Variants in WDR49 observed in about 807,000 individuals in gnomAD.
WDR49 encodes cilia- and flagella-associated protein 337.
In WDR49, 107 loss-of-function variants were observed where a neutral mutation model predicts 119.5. The observed-to-expected ratio is 0.90, with a 90% CI of 0.77 to 1.05. WDR49 has a LOEUF of 1.05. Among genes scored for constraint, WDR49 ranks in the 50% least tolerant of loss-of-function variants. The probability of loss-of-function intolerance (pLI) is 0.00; values close to 1 mark genes in which losing one functional copy is unlikely to be tolerated. For missense variants in WDR49, 1,240 were observed against 1,220.5 expected (o/e 1.02, Z -0.24); for synonymous variants, 425 against 418.8 (o/e 1.01, Z -0.18).
intron 9 of WDR49, among the ~76,000 whole-genome samples, chr3:167,558,582 T>C (rs1402549220): frequency 2.6e-5 from 4 of 152,222 alleles, no homozygotes; most frequent in Non-Finnish European, 5.9e-5. Flanking sequence ...AACGCTTCAG[T>C]TGAGACTTGA....
At chr3:167,576,717 G>C (rs1714270078) in intron 7 of WDR49, among the ~76,000 whole-genome samples, 1 of 152,110 alleles carries the variant, frequency 6.6e-6, no homozygotes, top group African/African-American at 2.4e-5. Context: ...TTCTCCCCCA[G>C]AGCCACCAGA....
In WDR49 at chr3:167,578,307, GCA is replaced by G. The variant is rs1421047059; in HGVS notation, c.1276-2158_1276-2157del. The stretch of plus-strand genomic sequence containing the variant: ...TGCGTCCATTGTATAAAGTCAAATA[GCA>G]CCAGAGGGCTTTTATCTCAAGCCAT... On this transcript the variant is annotated intron_variant, in intron 7 of 18. Transcript: ENST00000682715. 3.3e-5 allele frequency among the ~76,000 whole-genome samples: 5 copies of G among 152,196 alleles called. No homozygotes were observed. In the East Asian group the frequency reaches 9.7e-4, roughly 29 times the overall value.
upstream of WDR49, among the ~76,000 whole-genome samples, chr3:167,655,195 A>T (rs1312633413): frequency 6.6e-6 from 1 of 152,142 alleles, no homozygotes; most frequent in African/African-American, 2.4e-5. Flanking sequence ...CATTTATAAA[A>T]CCATCAGATC....
intron 10 of WDR49, among the ~76,000 whole-genome samples, chr3:167,541,062 G>A (rs558311412): frequency 6.6e-6 from 1 of 151,922 alleles, no homozygotes; most frequent in Admixed American, 6.6e-5. Context: ...ATATTAAATG[G>A]CCAAACCTAA....
intron 15 of WDR49, among the ~76,000 whole-genome samples, chr3:167,524,583 T>G (rs1482944112): frequency 6.6e-6 from 1 of 152,214 alleles, no homozygotes; most frequent in Admixed American, 6.5e-5. Flanking sequence ...AATTTTTGTA[T>G]AAGGTATAAG....
At position 167,500,008 on chromosome 3, in the gene WDR49, A is replaced by G. The variant is rs1014308829; in HGVS notation, c.3031+145T>C. On this transcript the variant is annotated intron_variant, in intron 18 of 18. Coordinates refer to ENST00000682715, the MANE Select transcript of WDR49 (RefSeq NM_001366157.1). ...GAGAGCACACTTCAGCAGCTGAACTATAAATCTTAACAGTCAAACCACACT... is the reference window on the plus strand; with the variant it reads ...GAGAGCACACTTCAGCAGCTGAACTGTAAATCTTAACAGTCAAACCACACT... 16 of 879,054 alleles carry G rather than the reference A, an allele frequency of 1.8e-5. No homozygotes were observed. The African/African-American group carries it at 2.5e-4, about 14-fold the overall frequency. 54.5% of individuals were successfully genotyped at this position (879,054 alleles called of 1,614,324 possible).
chr3:167,644,320 T>C (rs1718019761), intron 2 of WDR49, among the ~76,000 whole-genome samples: 1 of 152,120 alleles, frequency 6.6e-6, no homozygotes, highest in Non-Finnish European at 1.5e-5. Flanking sequence ...TATGTTTGCA[T>C]TGAATTATGG....
At chr3:167,642,734 G>T (rs996590003) in intron 2 of WDR49, among the ~76,000 whole-genome samples, 13 of 152,026 alleles carry the variant, frequency 8.6e-5, no homozygotes, top group African/African-American at 3.1e-4. Context: ...AGAAATGGCT[G>T]GTTCCAGGTC....
intron 7 of WDR49, among the ~76,000 whole-genome samples, chr3:167,595,595 C>A (rs1450217204): frequency 6.6e-6 from 1 of 152,028 alleles, no homozygotes; most frequent in Non-Finnish European, 1.5e-5. Context: ...CTTTGACAAA[C>A]CTGAGAAAAA....
At chr3:167,520,583 C>A (rs1421167162) in intron 16 of WDR49, among the ~76,000 whole-genome samples, 3 of 152,076 alleles carry the variant, frequency 2.0e-5, no homozygotes, top group African/African-American at 7.2e-5. Context: ...TTTCTGCAAG[C>A]CATAATTCAA....
chr3:167,621,117 C>T lies in WDR49; in HGVS notation c.783+350G>A, dbSNP rs762927404. On this transcript the variant is annotated intron_variant, in intron 4 of 18. Coordinates refer to ENST00000682715, the MANE Select transcript of WDR49 (RefSeq NM_001366157.1). Reference sequence around the variant, plus strand: ...AAAATCAGAACAATAAATTTGAAAGCATTTCATGGGATAAATGTAATCATT... The same window carrying T: ...AAAATCAGAACAATAAATTTGAAAGTATTTCATGGGATAAATGTAATCATT... Among the ~76,000 whole-genome samples the T allele has an allele frequency of 2.0e-5, 3 of 151,990 alleles. No homozygotes were observed. The South Asian group carries it at 6.2e-4, about 32-fold the overall frequency.
At chr3:167,514,318 A>C (rs1270771975) in intron 16 of WDR49, among the ~76,000 whole-genome samples, 1 of 152,168 alleles carries the variant, frequency 6.6e-6, no homozygotes, top group East Asian at 1.9e-4. Context: ...ACACCACACA[A>C]CTACATAGAA....
chr3:167,541,350 T>A (rs1283130271), intron 10 of WDR49, among the ~76,000 whole-genome samples: 3 of 152,138 alleles, frequency 2.0e-5, no homozygotes, highest in Non-Finnish European at 2.9e-5. Flanking sequence ...AACAGTAGAT[T>A]TCTCAGCAGA....
intron 16 of WDR49, among the ~76,000 whole-genome samples, chr3:167,520,527 T>C (rs1752399732): frequency 6.6e-6 from 1 of 152,184 alleles, no homozygotes; most frequent in Admixed American, 6.5e-5. Flanking sequence ...GCTAGATTTC[T>C]AAACTGAAAA....
intron 7 of WDR49, among the ~76,000 whole-genome samples, chr3:167,588,736 T>C (rs1714954807): frequency 6.6e-6 from 1 of 152,126 alleles, no homozygotes; most frequent in Non-Finnish European, 1.5e-5. Flanking sequence ...CATTTGTCTT[T>C]TTTTGAGAAA....
chr3:167,603,639 C>T (rs902720215), intron 6 of WDR49, among the ~76,000 whole-genome samples: 3 of 152,100 alleles, frequency 2.0e-5, no homozygotes, highest in Non-Finnish European at 4.4e-5. Context: ...ATCTATACCT[C>T]ATTTTTATAA....
chr3:167,626,024 C>A (rs1188617807), intron 3 of WDR49, among the ~76,000 whole-genome samples: 1 of 151,198 alleles, frequency 6.6e-6, no homozygotes, highest in Non-Finnish European at 1.5e-5. Flanking sequence ...TTCGTTGAAA[C>A]AAACTATTAA....
intron 14 of WDR49, among the ~76,000 whole-genome samples, chr3:167,528,760 T>A (rs941938124): frequency 6.6e-6 from 1 of 151,910 alleles, no homozygotes; most frequent in African/African-American, 2.4e-5. Flanking sequence ...AAATAAGGTG[T>A]ATCCTAATTA....
intron 11 of WDR49, 55 bp downstream of exon 11, chr3:167,536,815 C>G (rs1753052449): frequency 7.3e-7 from 1 of 1,377,398 alleles, no homozygotes; most frequent in Admixed American, 2.8e-5. Context: ...TGAGCCAAAA[C>G]AAACCAAAAC....
Sources: allele counts gnomAD v4.1 joint callset (sites outside exome capture counted in the v4.1 genomes callset), GRCh38; gene constraint gnomAD v4.1.1; transcripts MANE v1.5; gene names NCBI Gene and HGNC (gene_info 2026-07-23, HGNC 2026-07-21).